The following RASAL2 variants were observed in gnomAD, a reference collection of about 807,000 sequenced individuals.
The protein encoded by RASAL2 is ras GTPase-activating protein nGAP.
In RASAL2, 58 loss-of-function variants were observed where a neutral mutation model predicts 128.9. The ratio of observed to expected loss-of-function variants is 0.45; its 90% CI spans 0.36 to 0.56. The LOEUF (loss-of-function observed/expected upper bound fraction) is 0.56, where lower values mean the gene tolerates loss of function less well. Ranked by LOEUF, RASAL2 falls within the 20% of genes least tolerant of loss-of-function variation. RASAL2 has a pLI of 0.00. For missense variants in RASAL2, 1,360 were observed against 1,601.6 expected (o/e 0.85, Z 2.57); for synonymous variants, 561 against 580.8 (o/e 0.97, Z 0.49).
intron 1 of RASAL2, among the ~76,000 whole-genome samples, chr1:178,175,496 A>G (rs562561014): frequency 5.4e-5 from 8 of 147,186 alleles, no homozygotes; most frequent in Admixed American, 4.8e-4. Flanking sequence ...TTTTTCACCA[A>G]TTAAACGTAC....
At chr1:178,193,506 G>A (rs1390020875) in intron 1 of RASAL2, among the ~76,000 whole-genome samples, 4 of 151,914 alleles carry the variant, frequency 2.6e-5, no homozygotes, top group South Asian at 2.1e-4. Context: ...ATGACATGAC[G>A]CTTTGTAAAA....
At chr1:178,349,053 C>A (rs1451143766) in intron 3 of RASAL2, among the ~76,000 whole-genome samples, 1 of 151,190 alleles carries the variant, frequency 6.6e-6, no homozygotes, top group Non-Finnish European at 1.5e-5. Context: ...CCTGCCTCGG[C>A]CTCCCAAAGT....
In RASAL2 at chr1:178,258,843, G is replaced by T. The variant is rs559175964; in HGVS notation, c.203-24721G>T. 2.6e-5 allele frequency among the ~76,000 whole-genome samples: 4 copies of T among 152,130 alleles called. No individual in the cohort carries two copies. In the South Asian group the frequency reaches 6.2e-4, roughly 24 times the overall value. On this transcript the variant is annotated intron_variant, in intron 1 of 17. Transcript: ENST00000367649. ...GCCGCATTATTCATAAGTGCCAAAA[G>T]GTGGAAACAACCCAAATGTTCATCA...
At chr1:178,347,677 G>T (rs1169234958) in intron 3 of RASAL2, among the ~76,000 whole-genome samples, 1 of 152,112 alleles carries the variant, frequency 6.6e-6, no homozygotes, top group Admixed American at 6.6e-5. Context: ...TAAGTATCTG[G>T]AACAAAAATA....
chr1:178,432,431 T>G (rs1442641624), intron 5 of RASAL2, among the ~76,000 whole-genome samples: 1 of 152,116 alleles, frequency 6.6e-6, no homozygotes, highest in Non-Finnish European at 1.5e-5. Context: ...TTTTTCTTCT[T>G]TCTCAAATTC....
At chr1:178,432,900 T>C (rs417127) in intron 5 of RASAL2, among the ~76,000 whole-genome samples, 151,461 of 152,214 alleles carry the variant, frequency 1, 75,356 homozygotes, top group Middle Eastern at 1. Context: ...TCCTTTCTTT[T>C]TCCACTCCTT....
intron 9 of RASAL2, among the ~76,000 whole-genome samples, chr1:178,447,326 A>AAAGT (rs1557997442): frequency 6.6e-6 from 1 of 151,774 alleles, no homozygotes; most frequent in African/African-American, 2.4e-5. Flanking sequence ...TGTCTTAAAA[A>AAAGT]AAATAAATAA....
chr1:178,227,763 A>C (rs991661791), intron 1 of RASAL2, among the ~76,000 whole-genome samples: 4 of 152,226 alleles, frequency 2.6e-5, no homozygotes, highest in Admixed American at 2.0e-4. Context: ...AAATGTTATA[A>C]ATTGTTGTTT....
intron 1 of RASAL2, among the ~76,000 whole-genome samples, chr1:178,149,672 A>G (rs1206895856): frequency 1.3e-5 from 2 of 152,088 alleles, no homozygotes; most frequent in African/African-American, 4.8e-5. Context: ...TATGAAATCA[A>G]AACTGTCCTG....
At chr1:178,300,375 G>A (rs1344455818) in intron 3 of RASAL2, among the ~76,000 whole-genome samples, 1 of 152,188 alleles carries the variant, frequency 6.6e-6, no homozygotes, top group Non-Finnish European at 1.5e-5. Flanking sequence ...GGGATAATGT[G>A]TTGCTTCTGG....
intron 1 of RASAL2, among the ~76,000 whole-genome samples, chr1:178,228,066 C>T (rs16852591): frequency 0.028 from 4,284 of 152,166 alleles, 78 homozygotes; most frequent in East Asian, 0.087. Flanking sequence ...TGATATTAGG[C>T]TTTCGTTAAT....
rs569336849 is a variant in RASAL2, at chr1:178,404,182, C to T, written c.564+13976C>T. Among the ~76,000 whole-genome samples, 432 of 147,150 alleles carry T rather than the reference C, an allele frequency of 2.9e-3. 4 individuals carry two copies. Among genetic ancestry groups the T allele is most frequent in the African/African-American group, 0.01 (402 of 39,700 alleles). ...CAGAGGTTGCAGTGAGCCGAGATCA[C>T]GCCATTGCACTCCAGCTGAGGCTAC... On this transcript the variant is annotated intron_variant, in intron 4 of 17. Transcript: ENST00000367649.
chr1:178,098,433 A>G (rs1658773028), intron 1 of RASAL2, among the ~76,000 whole-genome samples: 1 of 152,272 alleles, frequency 6.6e-6, no homozygotes, highest in African/African-American at 2.4e-5. Context: ...TCAGCAGCAT[A>G]GCGAAAGGAA....
At chr1:178,139,225 G>A (rs1660443687) in intron 1 of RASAL2, among the ~76,000 whole-genome samples, 1 of 151,900 alleles carries the variant, frequency 6.6e-6, no homozygotes, top group Admixed American at 6.6e-5. Flanking sequence ...ATCTCTAGTG[G>A]TATATACTTT....
chr1:178,147,449 T>C (rs143297293), intron 1 of RASAL2, among the ~76,000 whole-genome samples: 8,452 of 142,426 alleles, frequency 0.059, 336 homozygotes, highest in Non-Finnish European at 0.084. Context: ...CACTGCACTC[T>C]GGCTTGGGCT....
chr1:178,210,934 A>G (rs969299243), intron 1 of RASAL2, among the ~76,000 whole-genome samples: 3 of 152,148 alleles, frequency 2.0e-5, no homozygotes, highest in South Asian at 4.1e-4. Flanking sequence ...TAGTCTCTTT[A>G]CAAATCTCAT....
At chr1:178,414,533 G>A (rs1432360744) in intron 4 of RASAL2, among the ~76,000 whole-genome samples, 1 of 152,142 alleles carries the variant, frequency 6.6e-6, no homozygotes, top group Non-Finnish European at 1.5e-5. Flanking sequence ...ATGTTGGTGG[G>A]AGTGGCTATG....
At position 178,393,337 on chromosome 1, in the gene RASAL2, C is replaced by T. The variant is rs146740738; in HGVS notation, c.564+3131C>T. Among the ~76,000 whole-genome samples the T allele has an allele frequency of 1.1e-4, 17 of 152,230 alleles. No individual in the cohort carries two copies. The East Asian group carries it at 2.1e-3, about 19-fold the overall frequency. ...GTTTGTTTTTCTGCAACTAGACGGT[C>T]CCATCTGGGGGTGATGGTAGACAGT... On this transcript the variant is annotated intron_variant, in intron 4 of 17. Coordinates refer to ENST00000367649, the MANE Select transcript of RASAL2 (RefSeq NM_170692.4).
At chr1:178,146,586 C>G (rs928173418) in intron 1 of RASAL2, among the ~76,000 whole-genome samples, 2 of 152,110 alleles carry the variant, frequency 1.3e-5, no homozygotes, top group African/African-American at 4.8e-5. Flanking sequence ...TTGTCTCATT[C>G]TATTATTCTT....
Sources: gnomAD v4.1 joint callset for allele counts (sites outside exome capture counted in the v4.1 genomes callset) on GRCh38, gnomAD v4.1.1 for gene constraint, MANE v1.5 for transcripts, NCBI Gene and HGNC (gene_info 2026-07-23, HGNC 2026-07-21) for gene names.